Variants in PXDNL observed in about 807,000 individuals in gnomAD.
The protein encoded by PXDNL is peroxidasin like, also known as probable oxidoreductase PXDNL.
Under a neutral mutation model 150.8 loss-of-function variants are expected in PXDNL, and 145 were observed. The ratio of observed to expected loss-of-function variants is 0.96; its 90% CI spans 0.84 to 1.10. The LOEUF (loss-of-function observed/expected upper bound fraction) is 1.10, where lower values mean the gene tolerates loss of function less well. Ranked by LOEUF, PXDNL falls within the 50% of genes least tolerant of loss-of-function variation. The probability of loss-of-function intolerance (pLI) is 0.00; values close to 1 mark genes in which losing one functional copy is unlikely to be tolerated. For missense variants in PXDNL, 2,087 were observed against 1,873.9 expected (o/e 1.11, Z -2.10); for synonymous variants, 757 against 725.7 (o/e 1.04, Z -0.69).
chr8:51,352,403 G>A (rs941759977), intron 19 of PXDNL, among the ~76,000 whole-genome samples: 5 of 152,122 alleles, frequency 3.3e-5, no homozygotes, highest in Non-Finnish European at 7.3e-5. Context: ...TGGTTTGGCT[G>A]TGTGTCCCCA....
chr8:51,807,925 TGCA>T (rs1279235458), intron 1 of PXDNL, among the ~76,000 whole-genome samples: 4 of 152,220 alleles, frequency 2.6e-5, no homozygotes, highest in African/African-American at 9.6e-5. Context: ...TGAAGGCACT[TGCA>T]GAACTGTGCT....
chr8:51,532,312 G>T lies in PXDNL; in HGVS notation c.380+24528C>A, dbSNP rs185666303. On this transcript the variant is annotated intron_variant, in intron 4 of 22. Coordinates refer to ENST00000356297, the MANE Select transcript of PXDNL (RefSeq NM_144651.5). The stretch of plus-strand genomic sequence containing the variant: ...TCTCATGAAGACCCAGAACTCAAAA[G>T]CAAAAGACTTCAGTTTGCATTTGGC... 1.7e-3 allele frequency among the ~76,000 whole-genome samples: 253 copies of T among 150,308 alleles called. 3 individuals carry two copies. Among genetic ancestry groups the T allele is most frequent in the Middle Eastern group, 6.8e-3 (2 of 294 alleles).
At chr8:51,548,789 G>A (rs1812418740) in intron 4 of PXDNL, among the ~76,000 whole-genome samples, 1 of 152,056 alleles carries the variant, frequency 6.6e-6, no homozygotes, top group African/African-American at 2.4e-5. Flanking sequence ...AGGTATTCAG[G>A]CAATAACTAG....
chr8:51,369,238 T>C (rs1221072292), intron 19 of PXDNL, among the ~76,000 whole-genome samples: 1 of 152,160 alleles, frequency 6.6e-6, no homozygotes, highest in Non-Finnish European at 1.5e-5. Context: ...ATACCAGCAC[T>C]TCTCAACTGC....
intron 10 of PXDNL, among the ~76,000 whole-genome samples, chr8:51,452,063 G>T (rs1334954145): frequency 6.6e-6 from 1 of 152,206 alleles, no homozygotes; most frequent in Non-Finnish European, 1.5e-5. Flanking sequence ...GACTGACGCA[G>T]ATGGGCAGAT....
intron 17 of PXDNL, among the ~76,000 whole-genome samples, chr8:51,404,168 C>G (rs1373275189): frequency 6.6e-6 from 1 of 152,158 alleles, no homozygotes; most frequent in African/African-American, 2.4e-5. Context: ...AGTGTGAACC[C>G]AAAGAGTAAG....
intron 1 of PXDNL, among the ~76,000 whole-genome samples, chr8:51,761,619 A>T (rs921487703): frequency 1.3e-5 from 2 of 152,210 alleles, no homozygotes; most frequent in Non-Finnish European, 2.9e-5. Flanking sequence ...CTCATGTCAG[A>T]GTTAAAATTT....
intron 1 of PXDNL, among the ~76,000 whole-genome samples, chr8:51,747,761 GTTAATTCCC>G (rs2037001406): frequency 6.6e-6 from 1 of 152,172 alleles, no homozygotes; most frequent in East Asian, 1.9e-4. Flanking sequence ...TCAAACTTGG[GTTAATTCCC>G]GGGCCATAGT....
At chr8:51,455,981 G>A (rs1242609252) in intron 9 of PXDNL, among the ~76,000 whole-genome samples, 1 of 151,856 alleles carries the variant, frequency 6.6e-6, no homozygotes, top group African/African-American at 2.4e-5. Flanking sequence ...TTTTTTTCCT[G>A]GAAAACCTCT....
rs572280903 is a variant in PXDNL at position 51,778,371 on chromosome 8, C to T, written c.164+30810G>A. Among the ~76,000 whole-genome samples the T allele has an allele frequency of 7.2e-5, 11 of 152,252 alleles. No homozygotes were observed. The South Asian group carries it at 8.3e-4, about 11-fold the overall frequency. ...TTTTTCACTACTATGAAATTCATGACGGTGACTTTGGAGGGTGACTACTGG... is the reference window on the plus strand; with the variant it reads ...TTTTTCACTACTATGAAATTCATGATGGTGACTTTGGAGGGTGACTACTGG... On this transcript the variant is annotated intron_variant, in intron 1 of 22. Transcript: ENST00000356297.
chr8:51,480,250 A>G (rs777738726), intron 6 of PXDNL, among the ~76,000 whole-genome samples: 25 of 152,146 alleles, frequency 1.6e-4, no homozygotes, highest in Non-Finnish European at 7.3e-5. Flanking sequence ...AGAAATACCT[A>G]AGACAGGGTA....
chr8:51,416,826 A>G (rs531442282), intron 14 of PXDNL, among the ~76,000 whole-genome samples: 14 of 152,354 alleles, frequency 9.2e-5, no homozygotes, highest in African/African-American at 3.1e-4. Flanking sequence ...GAAAACACAT[A>G]AAGTTGTTCA....
intron 2 of PXDNL, among the ~76,000 whole-genome samples, chr8:51,640,932 T>C (rs1237047092): frequency 6.6e-6 from 1 of 152,086 alleles, no homozygotes; most frequent in Admixed American, 6.6e-5. Flanking sequence ...GCTGGAGGCA[T>C]CACGCTACCT....
chr8:51,322,935 G>A (rs7839630), intron 21 of PXDNL, among the ~76,000 whole-genome samples: 51,160 of 151,978 alleles, frequency 0.34, 10,302 homozygotes, highest in African/African-American at 0.56. Flanking sequence ...AAACTAGCAG[G>A]ACTTGACCCC....
At chr8:51,575,360 G>A (rs528650578) in intron 3 of PXDNL, among the ~76,000 whole-genome samples, 1 of 151,600 alleles carries the variant, frequency 6.6e-6, no homozygotes, top group South Asian at 2.1e-4. Context: ...AAAATAAACA[G>A]AAAAAAAATT....
chr8:51,440,060 T>C (rs1005763016), intron 12 of PXDNL, among the ~76,000 whole-genome samples: 31 of 150,338 alleles, frequency 2.1e-4, no homozygotes, highest in African/African-American at 7.1e-4. Context: ...TATGTATATA[T>C]ACACACACAC....
In PXDNL at chr8:51,350,880, C is replaced by G. The variant is rs1563369389; in HGVS notation, c.3902-4933G>C. On this transcript the variant is annotated intron_variant, in intron 19 of 22. Transcript: ENST00000356297. ...AAATTCCACCGAGAACTTTTACCCT[C>G]GCTAACTTCCCAAAATAATTTCTTA... 2.0e-5 allele frequency among the ~76,000 whole-genome samples: 3 copies of G among 152,108 alleles called. No individual in the cohort carries two copies. In the East Asian group the frequency reaches 5.8e-4, roughly 29 times the overall value.
At chr8:51,758,364 T>C (rs768176348) in intron 1 of PXDNL, among the ~76,000 whole-genome samples, 7 of 152,144 alleles carry the variant, frequency 4.6e-5, no homozygotes, top group Non-Finnish European at 8.8e-5. Flanking sequence ...TTCCCGACCA[T>C]ATTTGGTTCA....
At chr8:51,636,871 T>C (rs563390568) in intron 2 of PXDNL, among the ~76,000 whole-genome samples, 2 of 152,014 alleles carry the variant, frequency 1.3e-5, no homozygotes, top group East Asian at 3.9e-4. Flanking sequence ...GAGTGTGAGA[T>C]CTGAGAATGG....
Sources: allele counts gnomAD v4.1 joint callset (sites outside exome capture counted in the v4.1 genomes callset), GRCh38; gene constraint gnomAD v4.1.1; transcripts MANE v1.5; gene names NCBI Gene and HGNC (gene_info 2026-07-23, HGNC 2026-07-21).